Variants in NYAP2 observed in about 807,000 individuals in gnomAD.
The protein encoded by NYAP2 is neuronal tyrosine-phosphorylated phosphoinositide-3-kinase adaptor 2, also known as neuronal tyrosine-phosphorylated phosphoinositide-3-kinase adapter 2.
A neutral mutation model predicts 50.4 loss-of-function variants in NYAP2; 23 were observed. The ratio of observed to expected loss-of-function variants is 0.46; its 90% confidence interval spans 0.33 to 0.65. The LOEUF is 0.65. Among genes scored for constraint, NYAP2 ranks in the 30% least tolerant of loss-of-function variants. The probability of loss-of-function intolerance (pLI) is 0.02; values close to 1 mark genes in which losing one functional copy is unlikely to be tolerated. For missense variants in NYAP2, 885 were observed against 861.0 expected, an observed-to-expected ratio of 1.03 and a Z score of -0.35; for synonymous variants, 394 against 365.2, an observed-to-expected ratio of 1.08 and a Z score of -0.90.
upstream of NYAP2, among the ~76,000 whole-genome samples, chr2:225,399,176 C>A (rs1694817272): frequency 6.6e-6 from 1 of 151,998 alleles, no homozygotes; most frequent in Admixed American, 6.6e-5. Flanking sequence ...AAGTAATAAG[C>A]ACATCCCCTC....
chr2:225,596,024 C>T (rs1425186923), intron 5 of NYAP2, among the ~76,000 whole-genome samples: 2 of 151,908 alleles, frequency 1.3e-5, no homozygotes, highest in Non-Finnish European at 2.9e-5. Context: ...TAAATAATTC[C>T]ATATATTTTT....
intron 4 of NYAP2, among the ~76,000 whole-genome samples, chr2:225,560,822 A>T (rs1427648138): frequency 6.6e-6 from 1 of 151,780 alleles, no homozygotes; most frequent in Admixed American, 6.6e-5. Context: ...ATCCATTCTA[A>T]TTTTTATTAT....
chr2:225,453,299 CTG>C (rs1689683018), intron 3 of NYAP2, among the ~76,000 whole-genome samples: 1 of 152,182 alleles, frequency 6.6e-6, no homozygotes, highest in African/African-American at 2.4e-5. Context: ...AAGTAAGAGA[CTG>C]TTTGCTATAT....
intron 3 of NYAP2, among the ~76,000 whole-genome samples, chr2:225,497,700 C>A (rs1690532654): frequency 6.6e-6 from 1 of 152,108 alleles, no homozygotes; most frequent in East Asian, 1.9e-4. Flanking sequence ...GAAATGAATT[C>A]TCTAGTGGTC....
chr2:225,470,049 A>T (rs1689987703), intron 3 of NYAP2, among the ~76,000 whole-genome samples: 1 of 152,166 alleles, frequency 6.6e-6, no homozygotes, highest in Non-Finnish European at 1.5e-5. Context: ...CTAATAGCTA[A>T]CAGGCCTGTT....
chr2:225,683,493 G>C, the NYAP2 span, among the ~76,000 whole-genome samples: 2 of 152,160 alleles, frequency 1.3e-5, no homozygotes, highest in African/African-American at 2.4e-5. Context: ...CAGTTATTTT[G>C]ACTTGAGCAA....
intron 3 of NYAP2, among the ~76,000 whole-genome samples, chr2:225,435,137 G>C (rs1488730905): frequency 6.6e-6 from 1 of 151,718 alleles, no homozygotes; most frequent in Non-Finnish European, 1.5e-5. Flanking sequence ...TGCTTTTTTC[G>C]GTGACACTTC....
chr2:225,676,639 A>C, the NYAP2 span, among the ~76,000 whole-genome samples: 1 of 152,124 alleles, frequency 6.6e-6, no homozygotes, highest in African/African-American at 2.4e-5. Context: ...AGATCTTGTG[A>C]GACCCATTCA....
intron 4 of NYAP2, among the ~76,000 whole-genome samples, chr2:225,574,978 C>A (rs1292649622): frequency 1.3e-5 from 2 of 152,110 alleles, no homozygotes; most frequent in Non-Finnish European, 2.9e-5. Flanking sequence ...TGCACTGAAG[C>A]TATTTCCTTT....
At chr2:225,650,742 A>T (rs2106272078) in intron 6 of NYAP2, among the ~76,000 whole-genome samples, 1 of 152,338 alleles carries the variant, frequency 6.6e-6, no homozygotes, top group East Asian at 1.9e-4. Context: ...TCTTTAAATT[A>T]ATCATCTCTA....
chr2:225,583,029 G>A, exon 5 of NYAP2: 1 of 1,610,498 alleles, frequency 6.2e-7, no homozygotes, highest in South Asian at 1.1e-5. Flanking sequence ...CAAAGAGCCT[G>A]CAGAGAGTAA....
the NYAP2 span, among the ~76,000 whole-genome samples, chr2:225,674,807 T>C: frequency 3.9e-5 from 6 of 152,096 alleles, no homozygotes; most frequent in Non-Finnish European, 1.5e-5. Flanking sequence ...ATAGGAGTGT[T>C]GGGAGATCTG....
At chr2:225,589,520 T>A (rs1475358962) in intron 5 of NYAP2, among the ~76,000 whole-genome samples, 4 of 62,926 alleles carry the variant, frequency 6.4e-5, no homozygotes, top group South Asian at 6.4e-4. Context: ...AAGTAAAATA[T>A]ATATATATAT....
chr2:225,553,283 C>T lies in NYAP2; in HGVS notation c.524-28658C>T, dbSNP rs1691714021. Among the ~76,000 whole-genome samples, 3 of 152,208 alleles carry T rather than the reference C, an allele frequency of 2.0e-5. No individual in the cohort carries two copies. The South Asian group carries it at 6.2e-4, about 31-fold the overall frequency. On this transcript the variant is annotated intron_variant, in intron 4 of 6. Transcript: ENST00000636099. ...AGTAAACCAGGAAGAAACAAGTTCC[C>T]CCTAGTTCCCCCTCTCTCTTCTGAG...
chr2:225,473,200 G>A (rs569459227), intron 3 of NYAP2, among the ~76,000 whole-genome samples: 5 of 152,262 alleles, frequency 3.3e-5, no homozygotes, highest in South Asian at 2.1e-4. Context: ...TCTTTATCCA[G>A]TCTATCATTG....
intron 3 of NYAP2, among the ~76,000 whole-genome samples, chr2:225,475,479 G>A (rs893693339): frequency 2.4e-4 from 36 of 152,252 alleles, no homozygotes; most frequent in Admixed American, 2.4e-3. Flanking sequence ...ATGTATATGA[G>A]TATAAATTTT....
intron 4 of NYAP2, among the ~76,000 whole-genome samples, chr2:225,526,313 C>T (rs891064323): frequency 2.6e-5 from 4 of 152,268 alleles, no homozygotes; most frequent in African/African-American, 7.2e-5. Flanking sequence ...AGCAAAGCAC[C>T]TGGCTTAGTG....
chr2:225,406,333 G>C (rs1009770692), intron 2 of NYAP2, among the ~76,000 whole-genome samples: 1 of 151,894 alleles, frequency 6.6e-6, no homozygotes, highest in African/African-American at 2.4e-5. Context: ...GACAGGGCCT[G>C]TGACCGTTTT....
intron 3 of NYAP2, among the ~76,000 whole-genome samples, chr2:225,445,000 G>A (rs549596026): frequency 6.6e-6 from 1 of 152,214 alleles, no homozygotes; most frequent in East Asian, 1.9e-4. Context: ...TTACTGACTT[G>A]GCTATGAGTT....
Sources: allele counts gnomAD v4.1 joint callset (sites outside exome capture counted in the v4.1 genomes callset), GRCh38; gene constraint gnomAD v4.1.1; transcripts MANE v1.5; gene names NCBI Gene and HGNC (gene_info 2026-07-23, HGNC 2026-07-21).